The following CLIP1 variants were observed in gnomAD, a reference collection of about 807,000 sequenced individuals.
CLIP1 encodes CAP-Gly domain containing linker protein 1.
Under a neutral mutation model 161.6 loss-of-function variants are expected in CLIP1, and 66 were observed. The observed-to-expected ratio is 0.41, with a 90% confidence interval of 0.33 to 0.50. The LOEUF is 0.50. CLIP1 is among the 20% of genes least tolerant of loss of function. The pLI, the probability that CLIP1 is intolerant of heterozygous loss-of-function variation, is 0.27. For missense variants in CLIP1, 1,376 were observed against 1,702.0 expected (o/e 0.81, Z 3.37); for synonymous variants, 598 against 626.2 (o/e 0.96, Z 0.67).
intron 20 of CLIP1, among the ~76,000 whole-genome samples, chr12:122,297,430 C>T (rs1203138745): frequency 6.6e-6 from 1 of 152,140 alleles, no homozygotes; most frequent in African/African-American, 2.4e-5. Flanking sequence ...TCAATAACCA[C>T]GCACTGTGTG....
intron 20 of CLIP1, among the ~76,000 whole-genome samples, chr12:122,297,753 T>A (rs1424475979): frequency 6.6e-6 from 1 of 152,156 alleles, no homozygotes; most frequent in East Asian, 1.9e-4. Flanking sequence ...CATTTTTGCA[T>A]GGCAAAGCCC....
chr12:122,350,231 T>A (rs1025865045), intron 9 of CLIP1, among the ~76,000 whole-genome samples: 4 of 152,126 alleles, frequency 2.6e-5, no homozygotes, highest in African/African-American at 9.7e-5. Context: ...GTTGTCTATT[T>A]CAGCTGCCAG....
intron 20 of CLIP1, among the ~76,000 whole-genome samples, chr12:122,308,542 G>A (rs1950957515): frequency 6.6e-6 from 1 of 152,132 alleles, no homozygotes; most frequent in East Asian, 1.9e-4. Flanking sequence ...TACTCTCCTT[G>A]GCCCCCATCA....
chr12:122,367,783 C>G (rs1360869642), intron 3 of CLIP1, among the ~76,000 whole-genome samples: 1 of 152,094 alleles, frequency 6.6e-6, no homozygotes, highest in Admixed American at 6.6e-5. Context: ...TTTTGGGAGG[C>G]CAAGGCAGGA....
At chr12:122,390,194 TATA>T (rs1955548693) in intron 1 of CLIP1, among the ~76,000 whole-genome samples, 2 of 132,774 alleles carry the variant, frequency 1.5e-5, no homozygotes, top group African/African-American at 5.6e-5. Flanking sequence ...TATATATATA[TATA>T]ATATATATAT....
chr12:122,350,724 C>A lies in CLIP1; in HGVS notation c.1401+387G>T, dbSNP rs937543476. 1.4e-4 allele frequency among the ~76,000 whole-genome samples: 21 copies of A among 150,290 alleles called. 1 individual carries two copies. The highest frequency in any genetic ancestry group is 1.3e-3 in the Admixed American group (19 of 14,890). On this transcript the variant is annotated intron_variant, in intron 9 of 25. Transcript: ENST00000620786. ...CTTGGAAACTTCCCCAGAATTCCCA[C>A]AACTCCACATCTAGAATGCCTTATG...
At chr12:122,303,830 T>A (rs1394550792) in intron 20 of CLIP1, among the ~76,000 whole-genome samples, 1 of 152,138 alleles carries the variant, frequency 6.6e-6, no homozygotes, top group Non-Finnish European at 1.5e-5. Context: ...TGAGAAGCCC[T>A]TTGCATTTCC....
At chr12:122,394,488 CAAAAAAAAAAAA>C (rs66683857) in intron 1 of CLIP1, among the ~76,000 whole-genome samples, 14 of 58,002 alleles carry the variant, frequency 2.4e-4, no homozygotes, top group African/African-American at 1.0e-3. Context: ...GACGCTGTCT[CAAAAAAAAAAAA>C]AAAAAAAAAA....
intron 1 of CLIP1, among the ~76,000 whole-genome samples, chr12:122,385,077 C>T (rs987933567): frequency 6.6e-5 from 10 of 151,584 alleles, no homozygotes; most frequent in African/African-American, 9.7e-5. Context: ...GGACTACAGG[C>T]GCCCACCACC....
Position 122,272,965 on chromosome 12 carries a change from A to G in CLIP1, c.4227T>C (p.His1409=), listed in dbSNP as rs61733291. The G allele has an allele frequency of 2.0e-5, 33 of 1,614,174 alleles. No homozygotes were observed. The African/African-American group carries it at 3.7e-4, about 18-fold the overall frequency. ...MSEDPPHSTH[H]GSRGEERPYC... is the part of the protein sequence containing the mutation. ...ATGGGCGTTCCTCACCCCGACTGCC[A>G]TGGTGTGTGGAATGGGGAGGGTCCT... Residue 1409 remains histidine (H), a synonymous_variant, in exon 26 of 26, where the codon CAT becomes CAC. Transcript: ENST00000620786.
At chr12:122,327,828 A>T in intron 17 of CLIP1, 119 bp downstream of exon 17, 1 of 806,056 alleles carries the variant, frequency 1.2e-6, no homozygotes, top group Non-Finnish European at 2.0e-6. Flanking sequence ...TCAGAAGGGT[A>T]ACGTCTGTAG....
intron 3 of CLIP1, among the ~76,000 whole-genome samples, chr12:122,373,656 C>T (rs1954569830): frequency 6.6e-6 from 1 of 152,054 alleles, no homozygotes; most frequent in South Asian, 2.1e-4. Context: ...ACTCAAATTT[C>T]ATTTCTAGGG....
intron 17 of CLIP1, among the ~76,000 whole-genome samples, chr12:122,327,451 C>A (rs1467035059): frequency 6.6e-6 from 1 of 152,110 alleles, no homozygotes; most frequent in East Asian, 1.9e-4. Flanking sequence ...ACACATAAAG[C>A]CCTCTGTGGA....
rs139316746 is a variant in CLIP1, at chr12:122,312,457, G to T, written c.3474-2575C>A. Reference sequence around the variant, plus strand: ...GGCAAGGGCAATATTCTAGAGGGAGGGGTTCCTATTAGAACCCTTGTGGTG... The same window carrying T: ...GGCAAGGGCAATATTCTAGAGGGAGTGGTTCCTATTAGAACCCTTGTGGTG... On this transcript the variant is annotated intron_variant, in intron 19 of 25. Coordinates refer to ENST00000620786, the MANE Select transcript of CLIP1 (RefSeq NM_001247997.2). Among the ~76,000 whole-genome samples the T allele has an allele frequency of 9.7e-3, 1,478 of 152,236 alleles. 25 individuals are homozygous for T. Among genetic ancestry groups the T allele is most frequent in the South Asian group, 0.064 (307 of 4,826 alleles).
intron 1 of CLIP1, among the ~76,000 whole-genome samples, chr12:122,390,279 C>CGTATAT (rs1292770200): frequency 1.3e-4 from 10 of 79,016 alleles, no homozygotes; most frequent in African/African-American, 3.4e-4. Context: ...TATATATATA[C>CGTATAT]ATATATATAT....
intron 10 of CLIP1, among the ~76,000 whole-genome samples, chr12:122,344,530 T>C (rs1478085501): frequency 2.0e-5 from 3 of 152,128 alleles, no homozygotes; most frequent in African/African-American, 7.2e-5. Context: ...GGTTCTTAGT[T>C]ACAACAAAAC....
intron 1 of CLIP1, among the ~76,000 whole-genome samples, chr12:122,389,672 T>C (rs1198212735): frequency 7.3e-6 from 1 of 137,154 alleles, no homozygotes; most frequent in East Asian, 2.3e-4. Context: ...GGCATGAGAA[T>C]TGCTTAAACC....
chr12:122,277,888 T>A (rs1050737745), intron 24 of CLIP1: 3 of 441,654 alleles, frequency 6.8e-6, no homozygotes, highest in Non-Finnish European at 8.0e-6. Context: ...ATACACACTT[T>A]AAAAAATCTC....
intron 1 of CLIP1, among the ~76,000 whole-genome samples, chr12:122,414,128 G>C (rs890732162): frequency 6.6e-6 from 1 of 151,862 alleles, no homozygotes; most frequent in Non-Finnish European, 1.5e-5. Flanking sequence ...TGGTTTTGGG[G>C]GTTTGTTTTT....
Sources: gnomAD v4.1 joint callset for allele counts (sites outside exome capture counted in the v4.1 genomes callset) on GRCh38, gnomAD v4.1.1 for gene constraint, MANE v1.5 for transcripts, NCBI Gene and HGNC (gene_info 2026-07-23, HGNC 2026-07-21) for gene names.